The following CDH12 variants were observed in gnomAD, a reference collection of about 807,000 sequenced individuals.
CDH12 encodes the protein cadherin 12, also known as cadherin-12.
CDH12 carries 41 observed loss-of-function variants against 74.1 expected under a neutral mutation model. That is an observed-to-expected ratio of 0.55 (90% CI 0.43 to 0.72). CDH12 has a LOEUF of 0.72. CDH12 is among the 30% of genes least tolerant of loss of function. CDH12 has a pLI of 0.00. For missense variants in CDH12, 945 were observed against 977.2 expected (o/e 0.97, Z 0.44); for synonymous variants, 399 against 355.0 (o/e 1.12, Z -1.39).
intron 3 of CDH12, among the ~76,000 whole-genome samples, chr5:22,250,179 AAAAAG>A (rs1176339866): frequency 3.6e-5 from 5 of 137,962 alleles, no homozygotes; most frequent in African/African-American, 1.3e-4. Flanking sequence ...CTAAATATTA[AAAAAG>A]AAAAGAATAT....
intron 1 of CDH12, among the ~76,000 whole-genome samples, chr5:22,706,034 A>G (rs1025385486): frequency 1.2e-4 from 18 of 152,122 alleles, no homozygotes; most frequent in African/African-American, 4.3e-4. Flanking sequence ...GAGAGGTTTC[A>G]GAGAGTGAGT....
chr5:21,990,146 A>G (rs544863366), intron 5 of CDH12, among the ~76,000 whole-genome samples: 157 of 152,254 alleles, frequency 1.0e-3, no homozygotes, highest in Middle Eastern at 3.4e-3. Context: ...ATCACACCAT[A>G]TTTAGTGATT....
At chr5:22,103,968 T>G (rs2150252610) in intron 4 of CDH12, among the ~76,000 whole-genome samples, 1 of 152,292 alleles carries the variant, frequency 6.6e-6, no homozygotes, top group Non-Finnish European at 1.5e-5. Flanking sequence ...CATTATGGTT[T>G]GGAAGAAAAA....
chr5:21,787,613 G>A (rs4270661), intron 10 of CDH12, among the ~76,000 whole-genome samples: 12,422 of 152,086 alleles, frequency 0.082, 839 homozygotes, highest in African/African-American at 0.17. Flanking sequence ...AATATATCCA[G>A]GGTATATCTG....
At chr5:22,151,043 T>C (rs1275266209) in intron 4 of CDH12, among the ~76,000 whole-genome samples, 1 of 152,178 alleles carries the variant, frequency 6.6e-6, no homozygotes, top group Non-Finnish European at 1.5e-5. Flanking sequence ...CATAAATCAT[T>C]AAGGTGTTTT....
At chr5:22,686,642 C>A (rs269005) in intron 1 of CDH12, among the ~76,000 whole-genome samples, 113,094 of 152,120 alleles carry the variant, frequency 0.74, 42,872 homozygotes, top group African/African-American at 0.89. Context: ...AATACTGAAC[C>A]ATGTAATTGC....
intron 5 of CDH12, among the ~76,000 whole-genome samples, chr5:22,019,230 C>T (rs563487245): frequency 6.6e-6 from 1 of 152,118 alleles, no homozygotes; most frequent in Non-Finnish European, 1.5e-5. Context: ...ACTAAGACAA[C>T]ATCTTCACCT....
chr5:21,953,896 T>A (rs1016536672), intron 6 of CDH12, among the ~76,000 whole-genome samples: 11 of 152,124 alleles, frequency 7.2e-5, no homozygotes, highest in Non-Finnish European at 1.0e-4. Context: ...CTCAGAGACA[T>A]GATAAAAGTT....
At chr5:21,880,535 T>C (rs867174243) in intron 6 of CDH12, among the ~76,000 whole-genome samples, 1 of 31,300 alleles carries the variant, frequency 3.2e-5, no homozygotes, top group Non-Finnish European at 1.0e-4. Context: ...TCTTCCTTCT[T>C]TTCCTTCCTT....
rs572030940 is a variant in CDH12, at chr5:21,907,611, C to T, written c.527-52821G>A. 2.2e-4 allele frequency among the ~76,000 whole-genome samples: 33 copies of T among 152,286 alleles called. No homozygotes were observed. In the East Asian group the frequency reaches 6.2e-3, roughly 29 times the overall value. On this transcript the variant is annotated intron_variant, in intron 6 of 14. Coordinates refer to ENST00000382254, the MANE Select transcript of CDH12 (RefSeq NM_004061.5). ...TGGGAGTTCCTGTCCCAGCTCTACCCCGGGAGCTAAGCAAAGAATACCCAG... is the reference window on the plus strand; with the variant it reads ...TGGGAGTTCCTGTCCCAGCTCTACCTCGGGAGCTAAGCAAAGAATACCCAG...
intron 5 of CDH12, among the ~76,000 whole-genome samples, chr5:22,035,186 A>C (rs1164546210): frequency 3.9e-5 from 6 of 152,088 alleles, no homozygotes; most frequent in African/African-American, 1.4e-4. Context: ...TTCATTCACC[A>C]TGAGTGTCTG....
chr5:22,270,284 A>T (rs1736331684), intron 3 of CDH12, among the ~76,000 whole-genome samples: 1 of 152,158 alleles, frequency 6.6e-6, no homozygotes, highest in Non-Finnish European at 1.5e-5. Context: ...TTATGCCCTG[A>T]TACCATAGGT....
At chr5:21,777,706 G>A (rs1745671487) in intron 11 of CDH12, among the ~76,000 whole-genome samples, 1 of 152,062 alleles carries the variant, frequency 6.6e-6, no homozygotes, top group African/African-American at 2.4e-5. Flanking sequence ...GGCCAGGCTG[G>A]TCTTGACCTC....
At chr5:21,987,246 A>G (rs542673990) in intron 5 of CDH12, among the ~76,000 whole-genome samples, 4 of 152,178 alleles carry the variant, frequency 2.6e-5, no homozygotes, top group Non-Finnish European at 5.9e-5. Flanking sequence ...TTTCAAAAAG[A>G]AAAGCTAAAT....
rs1757003264 is a variant in CDH12 at position 21,975,085 on chromosome 5, A to G, written c.526+6T>C. On this transcript the variant is annotated splice_donor_region_variant and intron_variant, in intron 6 of 14. Coordinates refer to ENST00000382254, the MANE Select transcript of CDH12 (RefSeq NM_004061.5). ...TATCTCACAGAATTTTGATTTGCCT[A>G]CTCACCCACAGGAGACATTTCTGGA... 2 of 1,583,226 alleles carry G rather than the reference A, an allele frequency of 1.3e-6. No individual in the cohort carries two copies. Among genetic ancestry groups the G allele is most frequent in the Non-Finnish European group, 1.7e-6 (2 of 1,172,440 alleles).
At chr5:22,472,345 T>C (rs1378997956) in intron 2 of CDH12, among the ~76,000 whole-genome samples, 3 of 152,264 alleles carry the variant, frequency 2.0e-5, no homozygotes, top group Non-Finnish European at 4.4e-5. Flanking sequence ...TAGAATGCCC[T>C]AAGGATGAGT....
chr5:22,220,544 T>A (rs1267576624), intron 3 of CDH12, among the ~76,000 whole-genome samples: 1 of 151,600 alleles, frequency 6.6e-6, no homozygotes, highest in Non-Finnish European at 1.5e-5. Flanking sequence ...GCATTGTTAT[T>A]TTGGTGGTTG....
intron 1 of CDH12, among the ~76,000 whole-genome samples, chr5:22,691,887 G>GAAGAGAAAAGGT (rs1354927452): frequency 1.3e-5 from 2 of 152,094 alleles, no homozygotes; most frequent in South Asian, 4.1e-4. Flanking sequence ...AAATAGAAAG[G>GAAGAGAAAAGGT]AAGAGAAAAG....
intron 1 of CDH12, among the ~76,000 whole-genome samples, chr5:22,558,108 T>A (rs1580763425): frequency 6.6e-6 from 1 of 151,924 alleles, no homozygotes; most frequent in East Asian, 1.9e-4. Flanking sequence ...AGAAAAAGAT[T>A]AGTAGATTTT....
Sources: allele counts gnomAD v4.1 joint callset (sites outside exome capture counted in the v4.1 genomes callset), GRCh38; gene constraint gnomAD v4.1.1; transcripts MANE v1.5; gene names NCBI Gene and HGNC (gene_info 2026-07-23, HGNC 2026-07-21).